ASTN1: variants seen among roughly 807,000 people sequenced by gnomAD.
ASTN1 encodes astrotactin 1, also known as astrotactin-1.
In ASTN1, 41 loss-of-function variants were observed where a neutral mutation model predicts 140.7. The observed-to-expected ratio is 0.29, with a 90% CI of 0.23 to 0.38. The LOEUF (loss-of-function observed/expected upper bound fraction) is 0.38, where lower values mean the gene tolerates loss of function less well. Ranked by LOEUF, ASTN1 falls within the 10% of genes least tolerant of loss-of-function variation. The pLI is 1.00. For missense variants in ASTN1, 1,479 were observed against 1,678.8 expected (o/e 0.88, Z 2.08); for synonymous variants, 640 against 652.2 (o/e 0.98, Z 0.29).
At chr1:177,080,982 C>A (rs1250063074) in intron 1 of ASTN1, among the ~76,000 whole-genome samples, 2 of 152,150 alleles carry the variant, frequency 1.3e-5, no homozygotes, top group Non-Finnish European at 2.9e-5. Flanking sequence ...TATTATTTTT[C>A]TCGGACAATT....
At chr1:176,890,293 G>A (rs143639215) in intron 17 of ASTN1, among the ~76,000 whole-genome samples, 77 of 152,350 alleles carry the variant, frequency 5.1e-4, no homozygotes, top group Non-Finnish European at 3.1e-4. Flanking sequence ...AGAAGGGTAC[G>A]CGGAGGCCTC....
intron 8 of ASTN1, among the ~76,000 whole-genome samples, chr1:177,010,518 T>C (rs1338228398): frequency 1.3e-5 from 2 of 152,248 alleles, no homozygotes; most frequent in Non-Finnish European, 2.9e-5. Flanking sequence ...TGTGACTTTG[T>C]TTAAATCTTT....
chr1:176,888,317 G>A lies in ASTN1; in HGVS notation c.2941-113C>T. The A allele has an allele frequency of 4.8e-6, 6 of 1,262,352 alleles. No homozygotes were observed. In the South Asian group the frequency reaches 5.6e-5, roughly 12 times the overall value. The allele number at this position is 1,262,352 out of a possible 1,614,324, so 78.2% of individuals were successfully genotyped here. A position where few individuals can be genotyped will look rare whatever the true frequency, so the allele number is the denominator to read the frequency against. Reference sequence around the variant, plus strand: ...TGGCCCTAAATTACTTCCAGCAGCAGGTTGTGTCGCCACTTTATCATTGTC... The same window carrying A: ...TGGCCCTAAATTACTTCCAGCAGCAAGTTGTGTCGCCACTTTATCATTGTC... On this transcript the variant is annotated intron_variant, in intron 17 of 22. Coordinates refer to ENST00000361833, the MANE Select transcript of ASTN1 (RefSeq NM_004319.3).
intron 8 of ASTN1, among the ~76,000 whole-genome samples, chr1:176,987,839 A>G (rs1673976637): frequency 6.6e-6 from 1 of 152,250 alleles, no homozygotes; most frequent in Admixed American, 6.5e-5. Context: ...CTTTGGGAAT[A>G]GCAAGAAGCA....
intron 8 of ASTN1, among the ~76,000 whole-genome samples, chr1:177,002,894 T>A (rs745678612): frequency 2.6e-5 from 4 of 151,654 alleles, no homozygotes; most frequent in Non-Finnish European, 4.4e-5. Flanking sequence ...CCCGAAGACA[T>A]ACAACTCCTT....
intron 16 of ASTN1, among the ~76,000 whole-genome samples, chr1:176,926,962 G>A (rs1185094635): frequency 6.6e-6 from 1 of 152,210 alleles, no homozygotes; most frequent in African/African-American, 2.4e-5. Context: ...CCAAAGCAGA[G>A]GTCTGTTTAC....
intron 1 of ASTN1, among the ~76,000 whole-genome samples, chr1:177,148,811 T>C (rs2102238898): frequency 6.6e-6 from 1 of 151,770 alleles, no homozygotes; most frequent in East Asian, 1.9e-4. Context: ...CATTAGAGGA[T>C]CAATGGTGAC....
intron 16 of ASTN1, among the ~76,000 whole-genome samples, chr1:176,903,439 A>C (rs1571485659): frequency 1.3e-5 from 2 of 151,856 alleles, no homozygotes; most frequent in East Asian, 3.9e-4. Flanking sequence ...CCTCTGTCCC[A>C]CTCACTCCCA....
chr1:176,916,695 T>C (rs1670499476), intron 16 of ASTN1, among the ~76,000 whole-genome samples: 1 of 152,150 alleles, frequency 6.6e-6, no homozygotes, highest in South Asian at 2.1e-4. Context: ...CCACCTGGTT[T>C]ACTCCAAAAT....
chr1:177,011,760 C>T (rs1675306704), intron 8 of ASTN1, among the ~76,000 whole-genome samples: 1 of 151,936 alleles, frequency 6.6e-6, no homozygotes, highest in Non-Finnish European at 1.5e-5. Context: ...CACACATGCA[C>T]ATTCAGGACC....
At position 176,992,411 on chromosome 1, in the gene ASTN1, GA is replaced by G. The variant is rs534226762; in HGVS notation, c.1523+22379del. 5.2e-3 allele frequency among the ~76,000 whole-genome samples: 709 copies of G among 136,388 alleles called. 7 individuals carry two copies. Among genetic ancestry groups the G allele is most frequent in the Non-Finnish European group, 7.2e-3 (449 of 62,410 alleles). The allele number at this position is 136,388 out of a possible 152,430, so 89.5% of individuals were successfully genotyped here. A position where few individuals can be genotyped will look rare whatever the true frequency, so the allele number is the denominator to read the frequency against. Reference sequence around the variant, plus strand: ...CTTCTGGGTTGGATCCTGCCCTTAAGAAAAAAAAAAAAATTTGCCTTGAACG... The same window carrying G: ...CTTCTGGGTTGGATCCTGCCCTTAAGAAAAAAAAAAAATTTGCCTTGAACG... On this transcript the variant is annotated intron_variant, in intron 8 of 22. Transcript: ENST00000361833.
rs143136692 is a variant in ASTN1, at chr1:176,920,600, A to C, written c.2671+13552T>G. ...CTTGCCCCGGAAAAACTTCCCAAGA[A>C]ATGGGATGAACTATGAATGTGGGGA... On this transcript the variant is annotated intron_variant, in intron 16 of 22. Coordinates refer to ENST00000361833, the MANE Select transcript of ASTN1 (RefSeq NM_004319.3). 2.0e-3 allele frequency among the ~76,000 whole-genome samples: 305 copies of C among 152,280 alleles called. 1 individual carries two copies. Among genetic ancestry groups the C allele is most frequent in the African/African-American group, 7.3e-3 (303 of 41,558 alleles).
At chr1:176,941,781 C>T (rs1220698739) in intron 14 of ASTN1, among the ~76,000 whole-genome samples, 1 of 152,142 alleles carries the variant, frequency 6.6e-6, no homozygotes, top group Non-Finnish European at 1.5e-5. Context: ...TAAACAGAGC[C>T]ACGTATCTTA....
At chr1:176,917,051 T>G (rs888139260) in intron 16 of ASTN1, among the ~76,000 whole-genome samples, 1 of 152,208 alleles carries the variant, frequency 6.6e-6, no homozygotes, top group African/African-American at 2.4e-5. Flanking sequence ...TCCCTCACCC[T>G]CCTTCATTCA....
intron 2 of ASTN1, among the ~76,000 whole-genome samples, chr1:177,056,473 T>G (rs1436205367): frequency 6.6e-6 from 1 of 151,912 alleles, no homozygotes; most frequent in Non-Finnish European, 1.5e-5. Flanking sequence ...CTGGGGCTAC[T>G]AAGATTTTTT....
At chr1:177,047,614 T>C (rs1318221596) in intron 2 of ASTN1, among the ~76,000 whole-genome samples, 1 of 152,022 alleles carries the variant, frequency 6.6e-6, no homozygotes, top group Non-Finnish European at 1.5e-5. Context: ...GTGAAGAGGA[T>C]GGAAACCACC....
chr1:176,965,669 C>T (rs967731237), intron 8 of ASTN1, among the ~76,000 whole-genome samples: 16 of 152,122 alleles, frequency 1.1e-4, no homozygotes, highest in Admixed American at 5.9e-4. Flanking sequence ...GACCATGGAC[C>T]GATAATTTGC....
chr1:176,995,899 G>A (rs536423406), intron 8 of ASTN1, among the ~76,000 whole-genome samples: 3 of 152,256 alleles, frequency 2.0e-5, no homozygotes, highest in Admixed American at 6.5e-5. Context: ...CTGTGTACAT[G>A]TGTAAGGGCA....
chr1:177,008,686 G>A (rs1158927916), intron 8 of ASTN1, among the ~76,000 whole-genome samples: 1 of 151,998 alleles, frequency 6.6e-6, no homozygotes, highest in Non-Finnish European at 1.5e-5. Context: ...GAATGAATAT[G>A]CTGGAAACCC....
Sources: allele counts gnomAD v4.1 joint callset (sites outside exome capture counted in the v4.1 genomes callset), GRCh38; gene constraint gnomAD v4.1.1; transcripts MANE v1.5; gene names NCBI Gene and HGNC (gene_info 2026-07-23, HGNC 2026-07-21).